Variants in AGBL1 observed in about 807,000 individuals in gnomAD.
AGBL1 encodes AGBL carboxypeptidase 1.
In AGBL1, 130 loss-of-function variants were observed where a neutral mutation model predicts 118.9. That is an observed-to-expected ratio of 1.09 (90% CI 0.95 to 1.26). The LOEUF (loss-of-function observed/expected upper bound fraction) is 1.26. AGBL1 is among the 50% of genes most tolerant of loss of function. The probability of loss-of-function intolerance (pLI) is 0.00; values close to 1 mark genes in which losing one functional copy is unlikely to be tolerated. For missense variants in AGBL1, 1,584 were observed against 1,298.1 expected (o/e 1.22, Z -3.38); for synonymous variants, 555 against 478.9 (o/e 1.16, Z -2.08).
chr15:86,462,766 A>C (rs2082350393), intron 18 of AGBL1, among the ~76,000 whole-genome samples: 1 of 152,136 alleles, frequency 6.6e-6, no homozygotes, highest in Non-Finnish European at 1.5e-5. Flanking sequence ...ACATGAACTC[A>C]TGCTTTTTTA....
intron 21 of AGBL1, chr15:86,556,263 C>T (rs1315603581): frequency 3.7e-6 from 6 of 1,613,374 alleles, no homozygotes; most frequent in East Asian, 2.2e-5. Flanking sequence ...AATGAAAGGG[C>T]TCACCCAGTG....
chr15:86,353,179 C>A (rs2080658503), intron 17 of AGBL1, among the ~76,000 whole-genome samples: 3 of 152,136 alleles, frequency 2.0e-5, no homozygotes, highest in Admixed American at 2.0e-4. Context: ...CCATGCTTTG[C>A]AGAAAAGCTG....
chr15:86,973,400 G>T (rs915567134), intron 23 of AGBL1, among the ~76,000 whole-genome samples: 10 of 151,904 alleles, frequency 6.6e-5, no homozygotes, highest in Admixed American at 2.6e-4. Flanking sequence ...TACTTAAAAG[G>T]ACATTTTAAC....
chr15:86,864,762 A>T (rs1328135270), intron 22 of AGBL1, among the ~76,000 whole-genome samples: 5 of 152,182 alleles, frequency 3.3e-5, no homozygotes, highest in Admixed American at 3.3e-4. Flanking sequence ...AGAGCCTACC[A>T]GGAGCTAGGC....
chr15:86,880,777 C>G (rs1380311004), intron 22 of AGBL1, among the ~76,000 whole-genome samples: 1 of 151,860 alleles, frequency 6.6e-6, no homozygotes, highest in Non-Finnish European at 1.5e-5. Context: ...GTATATGCCT[C>G]TGTGTGTGTG....
At chr15:86,246,779 C>G (rs1190716352) in intron 6 of AGBL1, among the ~76,000 whole-genome samples, 1 of 152,188 alleles carries the variant, frequency 6.6e-6, no homozygotes, top group Non-Finnish European at 1.5e-5. Flanking sequence ...AGCTTCCATT[C>G]TCTTTAGAAA....
intron 22 of AGBL1, among the ~76,000 whole-genome samples, chr15:86,838,362 T>C (rs894242862): frequency 2.0e-5 from 3 of 152,222 alleles, no homozygotes; most frequent in Non-Finnish European, 4.4e-5. Flanking sequence ...CTTATTCTTT[T>C]TCATAGCCCT....
At chr15:86,605,686 C>T (rs1171533590) in intron 21 of AGBL1, among the ~76,000 whole-genome samples, 4 of 152,146 alleles carry the variant, frequency 2.6e-5, no homozygotes, top group Non-Finnish European at 5.9e-5. Flanking sequence ...CAGTTGAAGC[C>T]AGGTTTTGAT....
intron 21 of AGBL1, among the ~76,000 whole-genome samples, chr15:86,572,801 C>A (rs965134277): frequency 2.6e-5 from 4 of 152,242 alleles, no homozygotes; most frequent in African/African-American, 9.6e-5. Flanking sequence ...GACGGCCCGC[C>A]CCTGCCATCA....
intron 21 of AGBL1, among the ~76,000 whole-genome samples, chr15:86,592,881 G>A (rs1006207945): frequency 6.6e-6 from 1 of 152,084 alleles, no homozygotes; most frequent in South Asian, 2.1e-4. Flanking sequence ...CCTGGGGTGC[G>A]GGACCATCTC....
At chr15:86,898,175 T>C (rs187055971) in intron 22 of AGBL1, among the ~76,000 whole-genome samples, 7 of 152,306 alleles carry the variant, frequency 4.6e-5, no homozygotes, top group Admixed American at 2.6e-4. Flanking sequence ...CCAGAATAAA[T>C]ACACATTTTT....
At chr15:86,302,331 A>G (rs761571342) in intron 17 of AGBL1, among the ~76,000 whole-genome samples, 22 of 152,162 alleles carry the variant, frequency 1.4e-4, no homozygotes, top group Admixed American at 2.6e-4. Context: ...TATTACACCT[A>G]TTTTATGGAT....
intron 21 of AGBL1, among the ~76,000 whole-genome samples, chr15:86,591,494 C>G (rs1448267048): frequency 6.6e-6 from 1 of 152,172 alleles, no homozygotes; most frequent in East Asian, 1.9e-4. Context: ...CCATGATTAC[C>G]TCTTTAAATT....
At chr15:86,672,633 T>C (rs763039995) in intron 21 of AGBL1, among the ~76,000 whole-genome samples, 18 of 152,126 alleles carry the variant, frequency 1.2e-4, no homozygotes, top group Non-Finnish European at 2.1e-4. Flanking sequence ...TCTAGAATTG[T>C]ATAAAAGTAA....
chr15:86,300,078 T>C (rs1228541503), intron 17 of AGBL1, among the ~76,000 whole-genome samples: 1 of 152,118 alleles, frequency 6.6e-6, no homozygotes, highest in Non-Finnish European at 1.5e-5. Context: ...CTATACTTGT[T>C]GTCTTACCTC....
At chr15:86,833,234 T>C (rs950995469) in intron 22 of AGBL1, among the ~76,000 whole-genome samples, 1 of 151,996 alleles carries the variant, frequency 6.6e-6, no homozygotes, top group African/African-American at 2.4e-5. Flanking sequence ...AAAAAGAGTA[T>C]GTCCTTGGGC....
intron 24 of AGBL1, among the ~76,000 whole-genome samples, chr15:87,023,097 A>T (rs1305786837): frequency 6.6e-6 from 1 of 152,094 alleles, no homozygotes; most frequent in Non-Finnish European, 1.5e-5. Flanking sequence ...ACAGGCAACA[A>T]ATAGCATGAT....
chr15:86,991,847 G>C (rs1181334413), intron 24 of AGBL1, among the ~76,000 whole-genome samples: 1 of 152,062 alleles, frequency 6.6e-6, no homozygotes, highest in Non-Finnish European at 1.5e-5. Flanking sequence ...CCAAGGACTT[G>C]GAATCAAGCA....
chr15:86,863,892 A>G (rs767789115), intron 22 of AGBL1, among the ~76,000 whole-genome samples: 53 of 152,264 alleles, frequency 3.5e-4, no homozygotes, highest in Non-Finnish European at 1.2e-4. Flanking sequence ...GAACCATTTC[A>G]TAGGTTTGTT....
Sources: allele counts gnomAD v4.1 joint callset (sites outside exome capture counted in the v4.1 genomes callset), GRCh38; gene constraint gnomAD v4.1.1; transcripts MANE v1.5; gene names NCBI Gene and HGNC (gene_info 2026-07-23, HGNC 2026-07-21).